The following OCA2 variants were observed in gnomAD, a reference collection of about 807,000 sequenced individuals.
OCA2 encodes P protein.
Under a neutral mutation model 100.2 loss-of-function variants are expected in OCA2, and 77 were observed. The ratio of observed to expected loss-of-function variants is 0.77; its 90% confidence interval spans 0.64 to 0.93. The LOEUF (loss-of-function observed/expected upper bound fraction) is 0.93, where lower values mean the gene tolerates loss of function less well. OCA2 is among the 40% of genes least tolerant of loss of function. The probability of loss-of-function intolerance (pLI) is 0.00; values close to 1 mark genes in which losing one functional copy is unlikely to be tolerated. For missense variants in OCA2, 1,062 were observed against 1,089.1 expected (o/e 0.98, Z 0.35); for synonymous variants, 432 against 439.2 (o/e 0.98, Z 0.21).
At chr15:27,970,530 G>GA (rs1259108362) in intron 14 of OCA2, among the ~76,000 whole-genome samples, 1 of 152,006 alleles carries the variant, frequency 6.6e-6, no homozygotes, top group Non-Finnish European at 1.5e-5. Context: ...AGCACGGTGG[G>GA]AAAATGTAAA....
At chr15:27,802,759 C>G (rs1162418757) in intron 23 of OCA2, among the ~76,000 whole-genome samples, 1 of 152,120 alleles carries the variant, frequency 6.6e-6, no homozygotes, top group African/African-American at 2.4e-5. Context: ...ACAGCATATA[C>G]AAAAGTTAAC....
chr15:27,771,695 ATT>A (rs534942092), intron 23 of OCA2, among the ~76,000 whole-genome samples: 1 of 152,056 alleles, frequency 6.6e-6, no homozygotes, highest in South Asian at 2.1e-4. Flanking sequence ...TGAAATCTGT[ATT>A]TTTTTTATCA....
At chr15:27,741,364 C>T in the OCA2 span, among the ~76,000 whole-genome samples, 4 of 152,256 alleles carry the variant, frequency 2.6e-5, no homozygotes, top group South Asian at 2.1e-4. Flanking sequence ...GACCTGCAAG[C>T]GTCCCAAAGG....
intron 23 of OCA2, chr15:27,775,534 AC>A (rs2032159954): frequency 6.6e-6 from 1 of 152,442 alleles, no homozygotes; most frequent in Non-Finnish European, 1.5e-5. Context: ...CTGCAGGTGG[AC>A]CCCTGTGAGG....
At chr15:27,879,347 T>C (rs1416212528) in intron 19 of OCA2, among the ~76,000 whole-genome samples, 1 of 152,200 alleles carries the variant, frequency 6.6e-6, no homozygotes, top group East Asian at 1.9e-4. Context: ...GCAGAATGAT[T>C]TATATTCCTT....
intron 15 of OCA2, among the ~76,000 whole-genome samples, chr15:27,959,390 A>C (rs1196615881): frequency 6.6e-6 from 1 of 151,818 alleles, no homozygotes; most frequent in African/African-American, 2.4e-5. Flanking sequence ...GAAGGAAAAA[A>C]CTAATGAACT....
intron 19 of OCA2, chr15:27,895,961 G>A: frequency 1.4e-6 from 1 of 715,442 alleles, no homozygotes; most frequent in Non-Finnish European, 2.5e-6. Context: ...ACGAAAATAT[G>A]GTTTGAAGGT....
At chr15:27,795,331 T>C (rs1052263019) in intron 23 of OCA2, among the ~76,000 whole-genome samples, 3 of 152,162 alleles carry the variant, frequency 2.0e-5, no homozygotes, top group Non-Finnish European at 4.4e-5. Context: ...TTTGTGTCTT[T>C]CTCTTTGGCT....
At chr15:27,772,956 T>C (rs1158324630) in intron 23 of OCA2, among the ~76,000 whole-genome samples, 2 of 152,204 alleles carry the variant, frequency 1.3e-5, no homozygotes, top group African/African-American at 4.8e-5. Context: ...TTTCTATTAA[T>C]TTCCCCTTAT....
At position 28,027,853 on chromosome 15, in the gene OCA2, C is replaced by T; in HGVS notation, c.515+18G>A. 1.2e-6 allele frequency: 2 copies of T among 1,611,568 alleles called. No individual in the cohort carries two copies. Among genetic ancestry groups the T allele is most frequent in the Non-Finnish European group, 1.7e-6 (2 of 1,179,986 alleles). ...CGGCCACCGCTGCTGCCAGGGTGGG[C>T]ACCCCAAGTCCGCCTACCTCAGCTT... On this transcript the variant is annotated intron_variant, in intron 4 of 23. Transcript: ENST00000354638.
chr15:27,819,728 G>GTGTA (rs1347454300), intron 23 of OCA2, among the ~76,000 whole-genome samples: 2 of 152,050 alleles, frequency 1.3e-5, no homozygotes, highest in South Asian at 2.1e-4. Flanking sequence ...GTGTGTGTGT[G>GTGTA]TATACAAACT....
chr15:27,847,695 T>C (rs2035588771), intron 22 of OCA2, among the ~76,000 whole-genome samples: 1 of 152,228 alleles, frequency 6.6e-6, no homozygotes, highest in Non-Finnish European at 1.5e-5. Flanking sequence ...AGGAATGCTA[T>C]ATTTAAATTC....
intron 18 of OCA2, among the ~76,000 whole-genome samples, chr15:27,928,617 C>T (rs2039132373): frequency 6.6e-6 from 1 of 152,166 alleles, no homozygotes; most frequent in African/African-American, 2.4e-5. Context: ...TTCCCTGCAG[C>T]TGTAAGACTG....
At chr15:27,866,149 A>G (rs1303070141) in intron 21 of OCA2, among the ~76,000 whole-genome samples, 1 of 152,220 alleles carries the variant, frequency 6.6e-6, no homozygotes, top group Non-Finnish European at 1.5e-5. Context: ...AGGCAGATCC[A>G]GAGAAAGGAC....
At chr15:27,784,098 T>G (rs2032683676) in intron 23 of OCA2, among the ~76,000 whole-genome samples, 1 of 152,166 alleles carries the variant, frequency 6.6e-6, no homozygotes, top group South Asian at 2.1e-4. Flanking sequence ...TCCCACCAGG[T>G]GAACAAGTGT....
At chr15:28,023,060 G>A (rs1013101251) in intron 5 of OCA2, among the ~76,000 whole-genome samples, 3 of 152,070 alleles carry the variant, frequency 2.0e-5, no homozygotes, top group African/African-American at 7.2e-5. Flanking sequence ...TCTCACAGAA[G>A]AAGGCTGAAG....
At chr15:27,803,482 C>T (rs543663479) in intron 23 of OCA2, among the ~76,000 whole-genome samples, 7 of 152,160 alleles carry the variant, frequency 4.6e-5, no homozygotes, top group African/African-American at 1.4e-4. Context: ...ATAAGCCCAT[C>T]ACGAAATGAC....
At chr15:28,022,615 A>T in intron 5 of OCA2, 42 bp from the exon 6 acceptor site, 1 of 1,417,296 alleles carries the variant, frequency 7.1e-7, no homozygotes. Flanking sequence ...GTGTGGTATG[A>T]GAGCAGTAAG....
intron 11 of OCA2, 137 bp from the exon 12 acceptor site, chr15:27,986,780 A>C: frequency 1.4e-6 from 1 of 739,744 alleles, no homozygotes; most frequent in Non-Finnish European, 2.5e-6. Context: ...TCTGAGATGC[A>C]GAAAGACCGT....
Sources: gnomAD v4.1 joint callset for allele counts (sites outside exome capture counted in the v4.1 genomes callset) on GRCh38, gnomAD v4.1.1 for gene constraint, MANE v1.5 for transcripts, NCBI Gene and HGNC (gene_info 2026-07-23, HGNC 2026-07-21) for gene names.